Variants in RTN3 observed in about 807,000 individuals in gnomAD.
The protein encoded by RTN3 is reticulon-3.
Under a neutral mutation model 77.8 loss-of-function variants are expected in RTN3, and 49 were observed. That is an observed-to-expected ratio of 0.63 (90% CI 0.50 to 0.80). The LOEUF is 0.80. Ranked by LOEUF, RTN3 falls within the 30% of genes least tolerant of loss-of-function variation. The pLI, the probability that RTN3 is intolerant of heterozygous loss-of-function variation, is 0.00. For missense variants in RTN3, 1,236 were observed against 1,211.9 expected, an observed-to-expected ratio of 1.02 and a Z score of -0.29; for synonymous variants, 464 against 446.9, an observed-to-expected ratio of 1.04 and a Z score of -0.48.
At position 63,720,429 on chromosome 11, in the gene RTN3, G is replaced by A. The variant is rs1211032030; in HGVS notation, c.1927G>A (p.Val643Ile). The A allele has an allele frequency of 6.2e-7, 1 of 1,613,652 alleles. No homozygotes were observed. The highest frequency in any genetic ancestry group is 8.5e-7 in the Non-Finnish European group (1 of 1,179,926). The change falls in exon 3 of 9, where the codon GTT becomes ATT. Residue 643 changes from valine to isoleucine, a missense_variant. By Grantham distance (29) the Val-to-Ile change is conservative. Coordinates refer to ENST00000377819, the MANE Select transcript of RTN3 (RefSeq NM_001265589.2). ...TTTGGAGTCATTACATGGGAAAAAT[G>A]TTAAACATATAGATGATTCCTCCCC... ...AYLESLHGKN[V>I]KHIDDSSPED...
intron 2 of RTN3, among the ~76,000 whole-genome samples, chr11:63,712,463 A>C (rs1203649479): frequency 6.6e-6 from 1 of 150,426 alleles, no homozygotes; most frequent in Non-Finnish European, 1.5e-5. Context: ...ACGATTAGTA[A>C]TTGTGATTAA....
At position 63,752,588 on chromosome 11, in the gene RTN3, G is replaced by A; in HGVS notation, c.2820G>A (p.Arg940=). ...ATGCTGCCATGGTGCACATCAACAG[G>A]GCCCTGAAACTCATTATTCGTCTCT... The part of the protein sequence containing the change: ...YMNAAMVHIN[R]ALKLIIRLFL... The change falls in exon 5 of 9, where the codon AGG becomes AGA. Residue 940 remains arginine (R), a synonymous_variant. Transcript: ENST00000377819. 3.1e-6 allele frequency: 5 copies of A among 1,613,816 alleles called. No individual in the cohort carries two copies. The highest frequency in any genetic ancestry group is 4.2e-6 in the Non-Finnish European group (5 of 1,179,850).
At chr11:63,734,781 A>ACACACACACC (rs778043704) in intron 3 of RTN3, among the ~76,000 whole-genome samples, 21 of 105,060 alleles carry the variant, frequency 2.0e-4, no homozygotes, top group East Asian at 7.7e-4. Flanking sequence ...ACACACACAC[A>ACACACACACC]CCATACTGGA....
intron 3 of RTN3, among the ~76,000 whole-genome samples, chr11:63,747,362 AAGTAGGC>A (rs2013858654): frequency 6.6e-6 from 1 of 152,142 alleles, no homozygotes; most frequent in Non-Finnish European, 1.5e-5. Context: ...ATTCACTCTT[AAGTAGGC>A]AGTATTCTAT....
At chr11:63,695,523 A>G (rs1941893544) in intron 1 of RTN3, among the ~76,000 whole-genome samples, 1 of 152,198 alleles carries the variant, frequency 6.6e-6, no homozygotes, top group African/African-American at 2.4e-5. Flanking sequence ...GCTTCCTCCA[A>G]CCAGGTGGAG....
At chr11:63,725,809 G>A (rs534145648) in intron 3 of RTN3, among the ~76,000 whole-genome samples, 2 of 152,130 alleles carry the variant, frequency 1.3e-5, no homozygotes, top group Non-Finnish European at 2.9e-5. Context: ...TTTCCCCAGC[G>A]TTAGGGTGCT....
chr11:63,704,555 G>C (rs1942403134), intron 1 of RTN3, among the ~76,000 whole-genome samples: 1 of 151,922 alleles, frequency 6.6e-6, no homozygotes, highest in Admixed American at 6.6e-5. Flanking sequence ...CTGTTCTTGA[G>C]GTTGTGCTTA....
At chr11:63,732,358 T>G (rs1306870285) in intron 3 of RTN3, among the ~76,000 whole-genome samples, 1 of 151,956 alleles carries the variant, frequency 6.6e-6, no homozygotes, top group East Asian at 1.9e-4. Flanking sequence ...AAAAATTTTT[T>G]GTAGAAATGG....
At chr11:63,752,925 AG>A in intron 5 of RTN3, 143 bp from the exon 6 acceptor site, 1 of 873,654 alleles carries the variant, frequency 1.1e-6, no homozygotes, top group East Asian at 2.4e-5. Flanking sequence ...GTATAACACA[AG>A]TAGGGAACCT....
chr11:63,725,220 T>G (rs1284841198), intron 3 of RTN3, among the ~76,000 whole-genome samples: 1 of 152,206 alleles, frequency 6.6e-6, no homozygotes, highest in Non-Finnish European at 1.5e-5. Flanking sequence ...TTTATGCTTT[T>G]TAACCATTCA....
intron 1 of RTN3, among the ~76,000 whole-genome samples, chr11:63,688,256 C>T (rs1215135716): frequency 6.8e-6 from 1 of 147,024 alleles, no homozygotes; most frequent in Non-Finnish European, 1.5e-5. Flanking sequence ...CGGAGTCTCG[C>T]TCTGTCGCCC....
At chr11:63,686,120 G>C (rs868545209) in intron 1 of RTN3, among the ~76,000 whole-genome samples, 1 of 152,162 alleles carries the variant, frequency 6.6e-6, no homozygotes, top group African/African-American at 2.4e-5. Context: ...ATAGAGACAC[G>C]TCTATCATCT....
At chr11:63,731,123 C>T (rs1383783909) in intron 3 of RTN3, among the ~76,000 whole-genome samples, 1 of 151,984 alleles carries the variant, frequency 6.6e-6, no homozygotes, top group Admixed American at 6.6e-5. Context: ...CTCTGCCTCC[C>T]AGGCTGGAGT....
intron 3 of RTN3, among the ~76,000 whole-genome samples, chr11:63,734,161 A>G (rs2134979790): frequency 6.6e-6 from 1 of 152,254 alleles, no homozygotes; most frequent in Admixed American, 6.5e-5. Context: ...ATTGGGTACA[A>G]TGTTCACTCT....
chr11:63,701,303 G>A (rs1182135381), intron 1 of RTN3, among the ~76,000 whole-genome samples: 1 of 151,910 alleles, frequency 6.6e-6, no homozygotes, highest in East Asian at 1.9e-4. Flanking sequence ...CTTTCATACT[G>A]GTTTCTTTCA....
Position 63,688,734 on chromosome 11 carries a change from A to G in RTN3, c.142+6956A>G, listed in dbSNP as rs963335600. On this transcript the variant is annotated intron_variant, in intron 1 of 8. Coordinates refer to ENST00000377819, the MANE Select transcript of RTN3 (RefSeq NM_001265589.2). ...AAAGATGGGCTGAAAATAAAAACCAATATTACTGCTTTTATCAAATTATCC... is the reference window on the plus strand; with the variant it reads ...AAAGATGGGCTGAAAATAAAAACCAGTATTACTGCTTTTATCAAATTATCC... Among the ~76,000 whole-genome samples the G allele has an allele frequency of 3.3e-5, 5 of 152,178 alleles. No individual in the cohort carries two copies. The East Asian group carries it at 7.7e-4, about 23-fold the overall frequency.
chr11:63,683,477 TGAA>T (rs767916553), intron 1 of RTN3, among the ~76,000 whole-genome samples: 7 of 152,238 alleles, frequency 4.6e-5, no homozygotes, highest in Non-Finnish European at 1.0e-4. Context: ...TGTTAAGTGT[TGAA>T]GAGTCATTTT....
intron 1 of RTN3, among the ~76,000 whole-genome samples, chr11:63,691,611 G>A (rs1318253631): frequency 6.6e-6 from 1 of 152,040 alleles, no homozygotes; most frequent in Admixed American, 6.6e-5. Flanking sequence ...TCAATAAATG[G>A]CCATTCTGTT....
chr11:63,684,144 T>G (rs1941236142), intron 1 of RTN3, among the ~76,000 whole-genome samples: 1 of 133,476 alleles, frequency 7.5e-6, no homozygotes, highest in East Asian at 2.7e-4. Flanking sequence ...TTTTTTTTTT[T>G]TTTTTTTTTT....
Sources: allele counts gnomAD v4.1 joint callset (sites outside exome capture counted in the v4.1 genomes callset), GRCh38; gene constraint gnomAD v4.1.1; transcripts MANE v1.5; gene names NCBI Gene and HGNC (gene_info 2026-07-23, HGNC 2026-07-21).